Variants in PAX8 observed in about 807,000 individuals in gnomAD.
PAX8 encodes paired box 8.
In PAX8, 15 loss-of-function variants were observed where a neutral mutation model predicts 52.4. The observed-to-expected ratio is 0.29, with a 90% CI of 0.19 to 0.44. The LOEUF (loss-of-function observed/expected upper bound fraction) is 0.44, where lower values mean the gene tolerates loss of function less well. Ranked by LOEUF, PAX8 falls within the 20% of genes least tolerant of loss-of-function variation. The probability of loss-of-function intolerance (pLI) is 1.00; values close to 1 mark genes in which losing one functional copy is unlikely to be tolerated. For missense variants in PAX8, 554 were observed against 602.5 expected, an observed-to-expected ratio of 0.92 and a Z score of 0.84; for synonymous variants, 284 against 249.7, an observed-to-expected ratio of 1.14 and a Z score of -1.29.
At chr2:113,262,125 C>T (rs148323519) in intron 2 of PAX8, among the ~76,000 whole-genome samples, 17 of 152,204 alleles carry the variant, frequency 1.1e-4, no homozygotes, top group African/African-American at 2.6e-4. Flanking sequence ...CCACTGTGCC[C>T]GGCCGATTTT....
chr2:113,247,036 C>T (rs899727465), intron 2 of PAX8, 117 bp from the exon 3 acceptor site: 2 of 1,018,488 alleles, frequency 2.0e-6, no homozygotes, highest in Non-Finnish European at 3.0e-6. Flanking sequence ...ACCATGAAAT[C>T]CCACGGCCAG....
At chr2:113,255,961 G>A (rs1692216390) in intron 2 of PAX8, among the ~76,000 whole-genome samples, 1 of 150,740 alleles carries the variant, frequency 6.6e-6, no homozygotes, top group Non-Finnish European at 1.5e-5. Context: ...TGTAGGCAGT[G>A]CTGCATGCAT....
intron 6 of PAX8, 138 bp downstream of exon 6, chr2:113,241,870 G>A: frequency 1.4e-6 from 2 of 1,424,816 alleles, no homozygotes; most frequent in Admixed American, 3.7e-5. Flanking sequence ...TTGGCCAACT[G>A]AGGGACAGGA....
intron 2 of PAX8, among the ~76,000 whole-genome samples, chr2:113,256,654 GTATA>G (rs759128116): frequency 1.9e-3 from 127 of 67,324 alleles, no homozygotes; most frequent in Middle Eastern, 9.8e-3. Flanking sequence ...GTGTGTGTGT[GTATA>G]TATATATATA....
intron 4 of PAX8, 86 bp downstream of exon 4, chr2:113,244,341 C>T: frequency 1.9e-6 from 2 of 1,058,772 alleles, no homozygotes; most frequent in Non-Finnish European, 2.9e-6. Context: ...TCTGCTCCAC[C>T]CAAGCCAGGC....
chr2:113,258,541 C>G lies in PAX8; in HGVS notation c.26-11622G>C, dbSNP rs560767127. Among the ~76,000 whole-genome samples the G allele has an allele frequency of 2.0e-5, 3 of 152,288 alleles. No homozygotes were observed. In the East Asian group the frequency reaches 5.8e-4, roughly 29 times the overall value. On this transcript the variant is annotated intron_variant, in intron 2 of 11. Coordinates refer to ENST00000429538, the MANE Select transcript of PAX8 (RefSeq NM_003466.4). ...TCCCTGCTGGCTCTTTTGGCCATCCCCCTTCCCTGCATAATCTTTATTGCT... is the reference window on the plus strand; with the variant it reads ...TCCCTGCTGGCTCTTTTGGCCATCCGCCTTCCCTGCATAATCTTTATTGCT...
chr2:113,219,048 C>T lies in PAX8; in HGVS notation c.1277-439G>A, dbSNP rs540849005. 7.4e-4 allele frequency among the ~76,000 whole-genome samples: 113 copies of T among 152,284 alleles called. 1 individual carries two copies. The highest frequency in any genetic ancestry group is 1.3e-3 in the Non-Finnish European group (88 of 68,028). ...GGGGTCAAAGGGGATCTGGGCTTGA[C>T]GGCCCTTAAGGTGAGGCTCTGCACA... On this transcript the variant is annotated intron_variant, in intron 11 of 11. Transcript: ENST00000429538.
chr2:113,253,949 A>G (rs1032051621), intron 2 of PAX8, among the ~76,000 whole-genome samples: 4 of 152,212 alleles, frequency 2.6e-5, no homozygotes, highest in Admixed American at 2.6e-4. Flanking sequence ...TGTATGAATC[A>G]TAACTGTCTT....
intron 2 of PAX8, among the ~76,000 whole-genome samples, chr2:113,265,281 G>C (rs761150512): frequency 6.6e-6 from 1 of 152,208 alleles, no homozygotes; most frequent in South Asian, 2.1e-4. Context: ...CAACAGAAGC[G>C]TGAGGCCAAG....
chr2:113,233,044 CTCCCT>C (rs1389260598), intron 9 of PAX8, among the ~76,000 whole-genome samples: 1 of 142,802 alleles, frequency 7.0e-6, no homozygotes, highest in Non-Finnish European at 1.5e-5. Context: ...CTCCCCTCCC[CTCCCT>C]TCCCTTCCCC....
intron 2 of PAX8, chr2:113,266,294 G>A (rs1693050110): frequency 6.6e-6 from 1 of 152,208 alleles, no homozygotes; most frequent in Non-Finnish European, 1.5e-5. Flanking sequence ...ATCATGTTCT[G>A]GGTGTGCTCC....
At chr2:113,250,791 T>G (rs929270702) in intron 2 of PAX8, 1 of 152,244 alleles carries the variant, frequency 6.6e-6, no homozygotes, top group African/African-American at 2.4e-5. Flanking sequence ...GAATACAACC[T>G]TGAACAAGAC....
chr2:113,241,542 G>A lies in PAX8; in HGVS notation c.777+9C>T. On this transcript the variant is annotated intron_variant, in intron 7 of 11. Transcript: ENST00000429538. ...CACCCTGTTCACCTCCCAGGGCCCA[G>A]CTTCTCACCTGCTCGCCTTTGGTGT... 6.2e-7 allele frequency: 1 copy of A among 1,601,698 alleles called. No individual in the cohort carries two copies. Among genetic ancestry groups the A allele is most frequent in the Non-Finnish European group, 8.5e-7 (1 of 1,174,832 alleles).
At chr2:113,274,971 A>G (rs766010212) in intron 2 of PAX8, 3 of 152,352 alleles carry the variant, frequency 2.0e-5, no homozygotes, top group East Asian at 1.9e-4. Flanking sequence ...TTATATTAGT[A>G]GATGCCCTCT....
chr2:113,236,840 G>T lies in PAX8; in HGVS notation c.778-119C>A, dbSNP rs1110839. On this transcript the variant is annotated intron_variant, in intron 7 of 11. Transcript: ENST00000429538. Reference sequence around the variant, plus strand: ...CATCTCCCCAGGAGAGGTCCTCATCGCCCCCTTCTTCCTTTACGTTCTCAA... The same window carrying T: ...CATCTCCCCAGGAGAGGTCCTCATCTCCCCCTTCTTCCTTTACGTTCTCAA... 554,830 of 1,129,780 alleles carry T rather than the reference G, an allele frequency of 0.49. 139,981 individuals are homozygous for T. The highest frequency in any genetic ancestry group is 0.65 in the East Asian group (23,929 of 36,846). 70.0% of individuals were successfully genotyped at this position (1,129,780 alleles called of 1,614,324 possible).
intron 3 of PAX8, among the ~76,000 whole-genome samples, chr2:113,245,902 A>C (rs1491586): frequency 6.6e-6 from 1 of 152,042 alleles, no homozygotes; most frequent in African/African-American, 2.4e-5. Flanking sequence ...AGGTCCCTTT[A>C]CCTTGTCCAA....
chr2:113,243,599 C>T (rs1311902851), intron 4 of PAX8, among the ~76,000 whole-genome samples: 4 of 152,182 alleles, frequency 2.6e-5, no homozygotes, highest in Admixed American at 2.0e-4. Flanking sequence ...ACCATGTTGG[C>T]CAGGTTGGTC....
chr2:113,235,696 A>G, intron 8 of PAX8, 114 bp from the exon 9 acceptor site: 1 of 788,466 alleles, frequency 1.3e-6, no homozygotes, highest in Admixed American at 2.7e-5. Context: ...GGGCAGGCTC[A>G]GCTGCCCTCA....
At chr2:113,246,692 G>C in intron 3 of PAX8, 62 bp downstream of exon 3, 1 of 1,551,180 alleles carries the variant, frequency 6.4e-7, no homozygotes. Flanking sequence ...TAGCTGCCCT[G>C]AGATCAGCTG....
Sources: gnomAD v4.1 joint callset for allele counts (sites outside exome capture counted in the v4.1 genomes callset) on GRCh38, gnomAD v4.1.1 for gene constraint, MANE v1.5 for transcripts, NCBI Gene and HGNC (gene_info 2026-07-23, HGNC 2026-07-21) for gene names.